GRM7: variants seen among roughly 807,000 people sequenced by gnomAD.
GRM7 encodes glutamate metabotropic receptor 7, also known as metabotropic glutamate receptor 7.
Under a neutral mutation model 84.5 loss-of-function variants are expected in GRM7, and 35 were observed. That is an observed-to-expected ratio of 0.41 (90% CI 0.32 to 0.55). The LOEUF is 0.55. Ranked by LOEUF, GRM7 falls within the 20% of genes least tolerant of loss-of-function variation. The pLI is 0.19. For missense variants in GRM7, 1,003 were observed against 1,194.6 expected, an observed-to-expected ratio of 0.84 and a Z score of 2.36; for synonymous variants, 487 against 455.1, an observed-to-expected ratio of 1.07 and a Z score of -0.89.
At chr3:7,426,364 A>G (rs1314090489) in intron 5 of GRM7, among the ~76,000 whole-genome samples, 1 of 152,122 alleles carries the variant, frequency 6.6e-6, no homozygotes, top group Non-Finnish European at 1.5e-5. Context: ...CATGGTCTGT[A>G]GGGCACCTGG....
chr3:7,375,220 T>C (rs1380776560), intron 4 of GRM7, among the ~76,000 whole-genome samples: 5 of 148,758 alleles, frequency 3.4e-5, no homozygotes, highest in African/African-American at 5.0e-5. Flanking sequence ...TCCCCTTTTT[T>C]TTTTTTTTTT....
chr3:7,080,232 GTC>G (rs1427387491), intron 1 of GRM7, among the ~76,000 whole-genome samples: 3 of 151,992 alleles, frequency 2.0e-5, no homozygotes, highest in Non-Finnish European at 4.4e-5. Flanking sequence ...TTTTTCCAAA[GTC>G]TCAATCTTAT....
intron 7 of GRM7, among the ~76,000 whole-genome samples, chr3:7,538,934 G>C (rs1692711519): frequency 6.6e-6 from 1 of 152,170 alleles, no homozygotes; most frequent in African/African-American, 2.4e-5. Context: ...ACTAGTAAGA[G>C]AAAATCCAAA....
chr3:6,960,113 A>G (rs1223434745), intron 1 of GRM7, among the ~76,000 whole-genome samples: 2 of 152,200 alleles, frequency 1.3e-5, no homozygotes, highest in East Asian at 1.9e-4. Flanking sequence ...TCAGGCAAAC[A>G]TCAACTAACC....
chr3:7,271,364 C>T (rs998177710), intron 2 of GRM7, among the ~76,000 whole-genome samples: 2 of 151,926 alleles, frequency 1.3e-5, no homozygotes, highest in East Asian at 3.9e-4. Context: ...TCGAGACCAT[C>T]CTGGCTAACA....
At chr3:7,062,037 G>A (rs1279757607) in intron 1 of GRM7, among the ~76,000 whole-genome samples, 3 of 151,622 alleles carry the variant, frequency 2.0e-5, no homozygotes, top group African/African-American at 7.3e-5. Context: ...TTCCTGTTTG[G>A]ATACCCACTA....
At chr3:7,500,840 C>T (rs1699861230) in intron 7 of GRM7, among the ~76,000 whole-genome samples, 1 of 152,124 alleles carries the variant, frequency 6.6e-6, no homozygotes, top group Admixed American at 6.5e-5. Flanking sequence ...ACTGGGGATA[C>T]AAGGAGGATG....
chr3:7,456,541 T>G (rs1698020210), intron 6 of GRM7, among the ~76,000 whole-genome samples: 1 of 131,364 alleles, frequency 7.6e-6, no homozygotes, highest in Non-Finnish European at 1.7e-5. Flanking sequence ...GATGATGTTA[T>G]ACTTGAGACA....
At chr3:7,303,617 A>T (rs561631269) in intron 3 of GRM7, among the ~76,000 whole-genome samples, 2 of 151,928 alleles carry the variant, frequency 1.3e-5, no homozygotes, top group Middle Eastern at 6.3e-3. Flanking sequence ...TTTGGAAAAC[A>T]TTTTGTTGTT....
chr3:7,663,309 C>A (rs1699544713), intron 8 of GRM7, among the ~76,000 whole-genome samples: 1 of 152,152 alleles, frequency 6.6e-6, no homozygotes, highest in African/African-American at 2.4e-5. Context: ...TCCCACTCGG[C>A]ACAAGGAACT....
intron 4 of GRM7, among the ~76,000 whole-genome samples, chr3:7,361,045 C>A (rs567197211): frequency 6.6e-6 from 1 of 152,106 alleles, no homozygotes; most frequent in African/African-American, 2.4e-5. Context: ...AAGAAAGTCC[C>A]TTTGAATTAT....
At chr3:7,287,105 A>T (rs368065954) in intron 2 of GRM7, among the ~76,000 whole-genome samples, 1 of 152,148 alleles carries the variant, frequency 6.6e-6, no homozygotes, top group African/African-American at 2.4e-5. Context: ...ATAGATAGAG[A>T]TAAAGAAAGC....
intron 7 of GRM7, among the ~76,000 whole-genome samples, chr3:7,550,221 C>G (rs1575482098): frequency 6.6e-6 from 1 of 151,746 alleles, no homozygotes; most frequent in East Asian, 1.9e-4. Context: ...TAGAAAGCAA[C>G]TTCCAAACTC....
At chr3:7,056,358 G>T (rs2133439) in intron 1 of GRM7, among the ~76,000 whole-genome samples, 22 of 152,010 alleles carry the variant, frequency 1.4e-4, no homozygotes, top group Non-Finnish European at 2.9e-4. Context: ...TGCCTTTTAG[G>T]TTTACTTTCT....
At chr3:6,955,441 GC>G (rs770135070) in intron 1 of GRM7, among the ~76,000 whole-genome samples, 104 of 152,132 alleles carry the variant, frequency 6.8e-4, no homozygotes, top group Non-Finnish European at 9.1e-4. Context: ...GGAGACTGAG[GC>G]AGGAGAATCT....
intron 1 of GRM7, among the ~76,000 whole-genome samples, chr3:7,093,676 CAA>C (rs1209938099): frequency 5.7e-4 from 8 of 13,950 alleles, no homozygotes; most frequent in Non-Finnish European, 3.7e-4. Flanking sequence ...GACTCTGTCT[CAA>C]AAAAAAAAAA....
intron 4 of GRM7, among the ~76,000 whole-genome samples, chr3:7,328,555 C>A (rs1701072497): frequency 6.6e-6 from 1 of 152,146 alleles, no homozygotes; most frequent in South Asian, 2.1e-4. Flanking sequence ...GCCTGTGAGT[C>A]ACTAAGTCAA....
chr3:7,040,367 A>G lies in GRM7; in HGVS notation c.520-106085A>G, dbSNP rs574121753. 4.6e-5 allele frequency among the ~76,000 whole-genome samples: 7 copies of G among 151,760 alleles called. No individual in the cohort carries two copies. The East Asian group carries it at 1.4e-3, about 30-fold the overall frequency. On this transcript the variant is annotated intron_variant, in intron 1 of 9. Coordinates refer to ENST00000357716, the MANE Select transcript of GRM7 (RefSeq NM_000844.4). The stretch of plus-strand genomic sequence containing the variant: ...GCCCAGGCTGGGGTGCAGTGGCACG[A>G]TCTCCACTCACTGTAACCCCTGCCT...
At chr3:7,487,372 T>C (rs1334168386) in intron 7 of GRM7, among the ~76,000 whole-genome samples, 1 of 152,176 alleles carries the variant, frequency 6.6e-6, no homozygotes, top group Non-Finnish European at 1.5e-5. Context: ...CAGCAACAAG[T>C]TGCTAGATAT....
Sources: allele counts gnomAD v4.1 joint callset (sites outside exome capture counted in the v4.1 genomes callset), GRCh38; gene constraint gnomAD v4.1.1; transcripts MANE v1.5; gene names NCBI Gene and HGNC (gene_info 2026-07-23, HGNC 2026-07-21).